Variants in FAN1 observed in about 807,000 individuals in gnomAD.
The protein encoded by FAN1 is FANCD2 and FANCI associated nuclease 1.
In FAN1, 91 loss-of-function variants were observed where a neutral mutation model predicts 104.9. The observed-to-expected ratio is 0.87, with a 90% CI of 0.73 to 1.03. FAN1 has a LOEUF of 1.03. FAN1 is among the 50% of genes least tolerant of loss of function. FAN1 has a pLI of 0.00. For missense variants in FAN1, 1,263 were observed against 1,239.9 expected (o/e 1.02, Z -0.28); for synonymous variants, 478 against 457.6 (o/e 1.04, Z -0.57).
intron 6 of FAN1, 75 bp from the exon 7 acceptor site, chr15:30,920,470 C>T: frequency 1.1e-6 from 1 of 945,440 alleles, no homozygotes; most frequent in Non-Finnish European, 1.7e-6. Context: ...ATTCAGTCTG[C>T]TTTGTCACTT....
At chr15:30,937,822 T>C (rs1405328231) in intron 14 of FAN1, among the ~76,000 whole-genome samples, 1 of 151,984 alleles carries the variant, frequency 6.6e-6, no homozygotes, top group African/African-American at 2.4e-5. Context: ...TGCATCTATA[T>C]GATTAGATGT....
At chr15:30,916,958 GCGTCC>G (rs1566917812) in intron 5 of FAN1, among the ~76,000 whole-genome samples, 1 of 152,176 alleles carries the variant, frequency 6.6e-6, no homozygotes, top group Non-Finnish European at 1.5e-5. Context: ...CTGGGTGCCT[GCGTCC>G]CGGCCGCGAG....
At chr15:30,931,213 T>G (rs142128352) in intron 13 of FAN1, among the ~76,000 whole-genome samples, 1 of 152,122 alleles carries the variant, frequency 6.6e-6, no homozygotes, top group Non-Finnish European at 1.5e-5. Context: ...AAAAAATTTT[T>G]TAAAAAGCTC....
intron 13 of FAN1, among the ~76,000 whole-genome samples, chr15:30,931,812 T>C (rs1212856272): frequency 6.6e-6 from 1 of 152,208 alleles, no homozygotes; most frequent in Admixed American, 6.5e-5. Context: ...TAGCTTTAGA[T>C]ACATCTTGGA....
rs1435694814 is a variant in FAN1, at chr15:30,904,667, A to T, written c.4A>T (p.Met2Leu). 6.2e-7 allele frequency: 1 copy of T among 1,606,478 alleles called. No individual in the cohort carries two copies. Among genetic ancestry groups the T allele is most frequent in the Non-Finnish European group, 8.5e-7 (1 of 1,176,970 alleles). The part of the protein sequence containing the change: M[M>L]SEGKPPDKKR... The stretch of plus-strand genomic sequence containing the variant: ...ACATCCAGTTTTTCTAATACTCATG[A>T]TGTCAGAAGGGAAACCTCCTGACAA... The change falls in exon 2 of 15, where the codon ATG becomes TTG. Residue 2 changes from methionine to leucine, a missense_variant. Physicochemically the swap from Met to Leu is conservative, Grantham distance 15. Transcript: ENST00000362065.
intron 2 of FAN1, among the ~76,000 whole-genome samples, chr15:30,907,582 T>C (rs1233527517): frequency 6.6e-6 from 1 of 151,946 alleles, no homozygotes; most frequent in Non-Finnish European, 1.5e-5. Context: ...GCATGAACCA[T>C]CATGACAGGT....
intron 13 of FAN1, among the ~76,000 whole-genome samples, chr15:30,936,903 T>G (rs1480987973): frequency 6.6e-6 from 1 of 152,206 alleles, no homozygotes; most frequent in Non-Finnish European, 1.5e-5. Context: ...ATGGTTTCTG[T>G]TGAATGTATA....
In FAN1 at chr15:30,910,658, G is replaced by C; in HGVS notation, c.1420G>C (p.Ala474Pro). 6.2e-7 allele frequency: 1 copy of C among 1,613,400 alleles called. No individual in the cohort carries two copies. The highest frequency in any genetic ancestry group is 8.5e-7 in the Non-Finnish European group (1 of 1,179,722). Residue 474 changes from alanine to proline, a missense_variant, in exon 4 of 15, where the codon GCT becomes CCT. Ala to Pro is a conservative substitution (Grantham distance 27). This residue lies in a region of FAN1 where 682 missense variants were observed against 571.1 expected (regional missense o/e 1.19). Coordinates refer to ENST00000362065, the MANE Select transcript of FAN1 (RefSeq NM_014967.5). ...ELSEVLELLS[A>P]PELKSLAKTF... ...CTCTGAAGTGCTTGAACTCCTTTCT[G>C]CTCCTGAACTAAAATCCCTAGCCAA...
intron 5 of FAN1, among the ~76,000 whole-genome samples, chr15:30,916,605 A>G (rs2140918315): frequency 6.6e-6 from 1 of 152,360 alleles, no homozygotes; most frequent in African/African-American, 2.4e-5. Flanking sequence ...ATAGTATTCA[A>G]TATCTGGTAA....
intron 14 of FAN1, chr15:30,941,220 A>G (rs1471808391): frequency 7.1e-7 from 1 of 1,398,970 alleles, no homozygotes; most frequent in Admixed American, 2.1e-5. Flanking sequence ...AGCAGACAAC[A>G]TGAACAGTTT....
Position 30,940,832 on chromosome 15 carries a change from TTTAA to T in FAN1, c.*4-730_*4-727del, listed in dbSNP as rs2063021106. ...TCCTAAAGTCAAAGGCACTTCTAAG[TTTAA>T]TTATCTGCAGCAAATGCTTTAAAAT... On this transcript the variant is annotated intron_variant, in intron 14 of 14. Transcript: ENST00000362065. The T allele has an allele frequency of 5.1e-6, 5 of 989,054 alleles. No homozygotes were observed. In the South Asian group the frequency reaches 1.4e-4, roughly 27 times the overall value. 61.3% of individuals were successfully genotyped at this position (989,054 alleles called of 1,614,324 possible). A position where few individuals can be genotyped will look rare whatever the true frequency, so the allele number is the denominator to read the frequency against.
intron 14 of FAN1, chr15:30,940,698 G>A: frequency 1.0e-6 from 1 of 988,088 alleles, no homozygotes; most frequent in Non-Finnish European, 1.2e-6. Context: ...AGACTCTGGG[G>A]ACTCCTGGCT....
intron 2 of FAN1, 63 bp from the exon 3 acceptor site, chr15:30,908,055 A>AAATGTAT: frequency 7.2e-7 from 1 of 1,395,088 alleles, no homozygotes; most frequent in Non-Finnish European, 9.7e-7. Context: ...TCGTACATTT[A>AAATGTAT]TTCACCTTAG....
Position 30,920,672 on chromosome 15 carries a change from G to A in FAN1, c.2052+19G>A. The A allele has an allele frequency of 1.4e-6, 2 of 1,422,394 alleles. No homozygotes were observed. The highest frequency in any genetic ancestry group is 2.0e-6 in the Non-Finnish European group (2 of 1,016,950). The allele number at this position is 1,422,394 out of a possible 1,614,324, so 88.1% of individuals were successfully genotyped here. On this transcript the variant is annotated intron_variant, in intron 7 of 14. Coordinates refer to ENST00000362065, the MANE Select transcript of FAN1 (RefSeq NM_014967.5). Reference sequence around the variant, plus strand: ...GTATGAGGTTAGAGCACAGGTCCCTGCCCCCCACCATTACTGATGTGATGG... The same window carrying A: ...GTATGAGGTTAGAGCACAGGTCCCTACCCCCCACCATTACTGATGTGATGG...
chr15:30,933,602 G>T (rs2062770893), intron 13 of FAN1, among the ~76,000 whole-genome samples: 1 of 152,198 alleles, frequency 6.6e-6, no homozygotes, highest in Admixed American at 6.5e-5. Context: ...TTTAGCATTT[G>T]TTGTGGGCAG....
rs1229839256 is a variant in FAN1 at position 30,929,327 on chromosome 15, G to A, written c.2717G>A (p.Trp906Ter). The A allele has an allele frequency of 6.2e-7, 1 of 1,611,940 alleles. No individual in the cohort carries two copies. Among genetic ancestry groups the A allele is most frequent in the African/African-American group, 1.3e-5 (1 of 74,680 alleles). The change falls in exon 12 of 15, where the codon TGG becomes TAG. Residue 906 changes from tryptophan to a stop codon, truncating the protein, a stop_gained. Coordinates refer to ENST00000362065, the MANE Select transcript of FAN1 (RefSeq NM_014967.5). LOFTEE classifies it high-confidence loss of function. Reference protein sequence around the residue: ...ESLRAWVAATWHEQEGRVASL... With the variant: ...ESLRAWVAAT ...CTGCGGGCCTGGGTGGCAGCCACGT[G>A]GCATGAGCAGGAAGGCAGAGTGGCT... is the stretch of plus-strand genomic sequence containing the variant.
At chr15:30,911,110 T>C (rs1046882094) in intron 4 of FAN1, 17 of 1,148,054 alleles carry the variant, frequency 1.5e-5, no homozygotes, top group East Asian at 1.2e-4. Context: ...GTGATTCTTA[T>C]GGGATTTTAA....
intron 4 of FAN1, among the ~76,000 whole-genome samples, chr15:30,913,519 A>T (rs1435154936): frequency 3.9e-5 from 6 of 152,240 alleles, no homozygotes; most frequent in Non-Finnish European, 8.8e-5. Context: ...ACTAGAATAA[A>T]AAATTGAGAA....
In FAN1 at chr15:30,942,945, C is replaced by A; in HGVS notation, c.*1383C>A. 6.4e-7 allele frequency: 1 copy of A among 1,565,216 alleles called. No individual in the cohort carries two copies. The highest frequency in any genetic ancestry group is 2.3e-5 in the East Asian group (1 of 42,950). On this transcript the variant is annotated 3_prime_UTR_variant, in exon 15 of 15. Transcript: ENST00000362065. ...ATTCTGTATACAAGGTGTGCTCTTTCCAATGTAGAAGGGGTTATGGAAAAG... is the reference window on the plus strand; with the variant it reads ...ATTCTGTATACAAGGTGTGCTCTTTACAATGTAGAAGGGGTTATGGAAAAG...
Sources: gnomAD v4.1 joint callset for allele counts (sites outside exome capture counted in the v4.1 genomes callset) on GRCh38, gnomAD v4.1.1 for gene constraint, gnomAD v4.1.1 regional missense constraint, MANE v1.5 for transcripts, NCBI Gene and HGNC (gene_info 2026-07-23, HGNC 2026-07-21) for gene names.